Variants in BRCA1 observed in about 807,000 individuals in gnomAD.
The protein encoded by BRCA1 is BRCA1 DNA repair associated, also known as breast cancer type 1 susceptibility protein.
BRCA1 carries 140 observed loss-of-function variants against 173.7 expected under a neutral mutation model. The ratio of observed to expected loss-of-function variants is 0.81; its 90% CI spans 0.70 to 0.93. The LOEUF is 0.93. BRCA1 is among the 40% of genes least tolerant of loss of function. The probability of loss-of-function intolerance (pLI) is 0.00; values close to 1 mark genes in which losing one functional copy is unlikely to be tolerated. For missense variants in BRCA1, 1,983 were observed against 2,172.5 expected (o/e 0.91, Z 1.73); for synonymous variants, 662 against 756.0 (o/e 0.88, Z 2.04).
rs80357457 is a variant in BRCA1 at position 43,104,166 on chromosome 17, G to A, written c.397C>T (p.Arg133Cys). 12 of 1,613,810 alleles carry A rather than the reference G, an allele frequency of 7.4e-6. No homozygotes were observed. The highest frequency in any genetic ancestry group is 1.1e-5 in the South Asian group (1 of 91,050). The change falls in exon 6 of 23, where the codon CGT becomes TGT. Residue 133 changes from arginine (R) to cysteine (C), a missense_variant. Coordinates refer to ENST00000357654, the MANE Select transcript of BRCA1 (RefSeq NM_007294.4). ...TCACTCTGTAGAAGTCTTTTGGCAC[G>A]GTTTCTGTAGCCCATACTTTGGATG... ...SIIQSMGYRN[R>C]AKRLLQSEPE... is the part of the protein sequence containing the mutation.
At chr17:43,131,608 C>T (rs2055966158) in intron 1 of BRCA1, among the ~76,000 whole-genome samples, 1 of 151,830 alleles carries the variant, frequency 6.6e-6, no homozygotes, top group Non-Finnish European at 1.5e-5. Flanking sequence ...GTAGTCCTAG[C>T]TACTTGGGAG....
At chr17:43,060,333 C>A (rs771008204) in intron 18 of BRCA1, among the ~76,000 whole-genome samples, 13 of 152,130 alleles carry the variant, frequency 8.5e-5, no homozygotes, top group Non-Finnish European at 1.9e-4. Context: ...TGAGCCACCA[C>A]ACCCAGCCGT....
intron 15 of BRCA1, among the ~76,000 whole-genome samples, chr17:43,067,969 A>T (rs1597826971): frequency 6.8e-6 from 1 of 148,074 alleles, no homozygotes; most frequent in African/African-American, 2.5e-5. Context: ...GGGTACATTT[A>T]AAAAATTCTA....
intron 3 of BRCA1, chr17:43,112,621 C>G (rs1432277534): frequency 1.3e-5 from 2 of 152,000 alleles, no homozygotes; most frequent in Non-Finnish European, 2.9e-5. Context: ...AAGAAACAAA[C>G]AAAAATATAT....
chr17:43,138,241 C>T, intron 1 of BRCA1: 1 of 200,894 alleles, frequency 5.0e-6, no homozygotes, highest in Non-Finnish European at 1.0e-5. Flanking sequence ...CCTGAACTTC[C>T]CTGCGGGCAC....
Position 43,093,179 on chromosome 17 carries a change from C to T in BRCA1, c.2352G>A (p.Ser784=), listed in dbSNP as rs372017932. 5.9e-5 allele frequency: 95 copies of T among 1,613,702 alleles called. No individual in the cohort carries two copies. Among genetic ancestry groups the T allele is most frequent in the East Asian group, 2.2e-4 (10 of 44,888 alleles). ...GTDYGTQESI[S]LLEVSTLGKA... is the part of the protein sequence containing the mutation. ...TCCCTAGAGTGCTAACTTCCAGTAA[C>T]GAGATACTTTCCTGAGTGCCATAAT... is the stretch of plus-strand genomic sequence containing the variant. Residue 784 remains serine, a synonymous_variant, in exon 10 of 23, where the codon TCG becomes TCA. Transcript: ENST00000357654.
At chr17:43,127,974 A>G (rs2055928377), upstream of BRCA1, among the ~76,000 whole-genome samples, 1 of 145,018 alleles carries the variant, frequency 6.9e-6, no homozygotes, top group Non-Finnish European at 1.5e-5. Context: ...CAGTGAGCCC[A>G]GATTGCACCA....
At chr17:43,091,087 C>T (rs2154260440) in intron 10 of BRCA1, 55 bp from the exon 11 acceptor site, 2 of 1,458,072 alleles carry the variant, frequency 1.4e-6, no homozygotes, top group South Asian at 2.4e-5. Flanking sequence ...AACGCTGCAA[C>T]TTGCTGTGTC....
At chr17:43,153,160 T>C (rs186129402) in intron 1 of BRCA1, among the ~76,000 whole-genome samples, 6 of 152,348 alleles carry the variant, frequency 3.9e-5, no homozygotes, top group Non-Finnish European at 8.8e-5. Flanking sequence ...TAGAGTTTTG[T>C]GCATTTTGGA....
chr17:43,089,554 T>TG (rs2053361957), intron 11 of BRCA1, among the ~76,000 whole-genome samples: 3 of 151,736 alleles, frequency 2.0e-5, no homozygotes, highest in Non-Finnish European at 4.4e-5. Context: ...ACTTTCTTTT[T>TG]TTTTTTTTTT....
chr17:43,090,531 C>A (rs913474425), intron 11 of BRCA1, among the ~76,000 whole-genome samples: 1 of 152,136 alleles, frequency 6.6e-6, no homozygotes, highest in South Asian at 2.1e-4. Flanking sequence ...TTGGCCACCA[C>A]GCCCAGCTAA....
At chr17:43,094,890 C>A in intron 9 of BRCA1, 30 bp from the exon 10 acceptor site, 1 of 1,572,226 alleles carries the variant, frequency 6.4e-7, no homozygotes, top group South Asian at 1.1e-5. Context: ...ACAAGGTACT[C>A]AAAAACTGAA....
Position 43,097,250 on chromosome 17 carries a change from T to A in BRCA1, c.587A>T (p.Tyr196Phe), listed in dbSNP as rs1555594039. 4.3e-6 allele frequency: 7 copies of A among 1,613,768 alleles called. No homozygotes were observed. Among genetic ancestry groups the A allele is most frequent in the Non-Finnish European group, 5.9e-6 (7 of 1,179,822 alleles). ...SSEDTVNKAT[Y>F]CSVGDQELLQ... is the part of the protein sequence containing the mutation. Reference sequence around the variant, plus strand: ...AAGGTTCTCTTTGACTCACCTGCAATAAGTTGCCTTATTAACGGTATCTTC... The same window carrying A: ...AAGGTTCTCTTTGACTCACCTGCAAAAAGTTGCCTTATTAACGGTATCTTC... Residue 196 changes from tyrosine to phenylalanine, a missense_variant, in exon 8 of 23, where the codon TAT becomes TTT. Coordinates refer to ENST00000357654, the MANE Select transcript of BRCA1 (RefSeq NM_007294.4).
intron 12 of BRCA1, among the ~76,000 whole-genome samples, 161 bp downstream of exon 12, chr17:43,082,243 A>G (rs555142905): frequency 2.1e-4 from 32 of 152,318 alleles, no homozygotes; most frequent in African/African-American, 7.5e-4. Context: ...TCTGACTGGT[A>G]TATTAGTTGT....
intron 1 of BRCA1, among the ~76,000 whole-genome samples, chr17:43,152,502 C>A (rs567739738): frequency 6.6e-6 from 1 of 151,986 alleles, no homozygotes; most frequent in Non-Finnish European, 1.5e-5. Context: ...GGGTGGATCA[C>A]GAGGTCAGGA....
At chr17:43,101,332 G>A (rs1049509309) in intron 6 of BRCA1, among the ~76,000 whole-genome samples, 21 of 151,676 alleles carry the variant, frequency 1.4e-4, no homozygotes, top group African/African-American at 4.4e-4. Context: ...AAGGAGCTGG[G>A]ACTACATGCG....
chr17:43,152,232 C>G (rs1174893403), intron 1 of BRCA1, among the ~76,000 whole-genome samples: 5 of 152,178 alleles, frequency 3.3e-5, no homozygotes, highest in African/African-American at 4.8e-5. Context: ...ATATGTCTCT[C>G]TTTATTTTTG....
intron 12 of BRCA1, chr17:43,079,377 C>T (rs1453544316): frequency 1.3e-6 from 2 of 1,597,152 alleles, no homozygotes; most frequent in African/African-American, 1.3e-5. Context: ...TGGAGTTGTT[C>T]CTTTGGCCAT....
intron 6 of BRCA1, among the ~76,000 whole-genome samples, chr17:43,100,392 A>G (rs1227438668): frequency 2.0e-5 from 3 of 148,222 alleles, no homozygotes; most frequent in Non-Finnish European, 4.4e-5. Flanking sequence ...CCCAGGCTGG[A>G]GTGCAGTGGC....
Sources: gnomAD v4.1 joint callset for allele counts (sites outside exome capture counted in the v4.1 genomes callset) on GRCh38, gnomAD v4.1.1 for gene constraint, MANE v1.5 for transcripts, NCBI Gene and HGNC (gene_info 2026-07-23, HGNC 2026-07-21) for gene names.